Variants in RBPJ observed in about 807,000 individuals in gnomAD.
The protein encoded by RBPJ is recombining binding protein suppressor of hairless.
In RBPJ, 9 loss-of-function variants were observed where a neutral mutation model predicts 67.8. That is an observed-to-expected ratio of 0.13 (90% CI 0.08 to 0.23). The LOEUF (loss-of-function observed/expected upper bound fraction) is 0.23, where lower values mean the gene tolerates loss of function less well. RBPJ is among the 10% of genes least tolerant of loss of function. The pLI is 1.00. For missense variants in RBPJ, 305 were observed against 595.6 expected (o/e 0.51, Z 5.08); for synonymous variants, 198 against 203.3 (o/e 0.97, Z 0.22).
intron 1 of RBPJ, among the ~76,000 whole-genome samples, chr4:26,203,225 A>G (rs1326929271): frequency 6.6e-6 from 1 of 152,204 alleles, no homozygotes; most frequent in African/African-American, 2.4e-5. Context: ...AAATTACCTA[A>G]TAGTTTTTCA....
At chr4:26,260,801 C>A (rs1215724920) in intron 1 of RBPJ, among the ~76,000 whole-genome samples, 1 of 152,168 alleles carries the variant, frequency 6.6e-6, no homozygotes, top group Non-Finnish European at 1.5e-5. Context: ...ACTCAAGTCT[C>A]CTCTCCTCTT....
At chr4:26,283,796 G>A (rs1281717546) in intron 1 of RBPJ, among the ~76,000 whole-genome samples, 1 of 151,926 alleles carries the variant, frequency 6.6e-6, no homozygotes, top group African/African-American at 2.4e-5. Flanking sequence ...ACAGGCATGT[G>A]TCACCATGCC....
upstream of RBPJ, among the ~76,000 whole-genome samples, chr4:26,318,133 A>G (rs1014575760): frequency 1.6e-4 from 24 of 150,384 alleles, no homozygotes; most frequent in Admixed American, 5.9e-4. Flanking sequence ...ACACACGCAC[A>G]CACACACACA....
At chr4:26,343,290 C>G (rs1725741047) in intron 1 of RBPJ, 1 of 152,238 alleles carries the variant, frequency 6.6e-6, no homozygotes, top group East Asian at 1.9e-4. Flanking sequence ...TAATGAATCT[C>G]TAAACATATT....
chr4:26,124,699 C>G, the RBPJ span, among the ~76,000 whole-genome samples: 1 of 151,894 alleles, frequency 6.6e-6, no homozygotes, highest in African/African-American at 2.4e-5. Context: ...TTTACAGTCC[C>G]ACAAGTGGTG....
At chr4:26,318,518 A>T (rs578194197), upstream of RBPJ, among the ~76,000 whole-genome samples, 28 of 152,390 alleles carry the variant, frequency 1.8e-4, no homozygotes, top group Non-Finnish European at 2.8e-4. Context: ...AGGAAAAAAC[A>T]GAAACTGATT....
At chr4:26,287,722 G>A (rs890801245) in intron 1 of RBPJ, among the ~76,000 whole-genome samples, 6 of 124,624 alleles carry the variant, frequency 4.8e-5, no homozygotes, top group Admixed American at 9.3e-5. Flanking sequence ...AAAGAAAGAA[G>A]AAAACGAGAA....
the RBPJ span, among the ~76,000 whole-genome samples, chr4:26,135,807 T>C: frequency 1.3e-5 from 2 of 152,150 alleles, no homozygotes; most frequent in African/African-American, 4.8e-5. Flanking sequence ...ACCCAAGCAA[T>C]GGGAGCTGAA....
At chr4:26,334,047 C>CTT (rs1290572987) in intron 1 of RBPJ, among the ~76,000 whole-genome samples, 27 of 142,802 alleles carry the variant, frequency 1.9e-4, no homozygotes, top group African/African-American at 6.1e-4. Context: ...TCTGCCTTTT[C>CTT]TTTTTTTTTT....
At chr4:26,207,182 A>C (rs1408350410) in intron 1 of RBPJ, among the ~76,000 whole-genome samples, 1 of 152,194 alleles carries the variant, frequency 6.6e-6, no homozygotes, top group East Asian at 1.9e-4. Context: ...AATGGTGAGC[A>C]GATGGTGCTT....
intron 1 of RBPJ, among the ~76,000 whole-genome samples, chr4:26,344,216 T>C (rs1725873542): frequency 6.6e-6 from 1 of 151,892 alleles, no homozygotes; most frequent in African/African-American, 2.4e-5. Context: ...TTGAGACATA[T>C]AGCTAACTAT....
rs75156358 is a variant in RBPJ at position 26,399,033 on chromosome 4, C to T, written c.60-7142C>T. On this transcript the variant is annotated intron_variant, in intron 2 of 10. Coordinates refer to ENST00000355476, the MANE Select transcript of RBPJ (RefSeq NM_015874.6). Reference sequence around the variant, plus strand: ...TCTTGGCTTTTTTTGTTTTAACAAACTTAGGAATTAAAAACTTCCCTTTAT... The same window carrying T: ...TCTTGGCTTTTTTTGTTTTAACAAATTTAGGAATTAAAAACTTCCCTTTAT... 7.9e-3 allele frequency among the ~76,000 whole-genome samples: 1,204 copies of T among 152,224 alleles called. 23 individuals are homozygous for T. The highest frequency in any genetic ancestry group is 0.028 in the African/African-American group (1,161 of 41,538).
intron 2 of RBPJ, among the ~76,000 whole-genome samples, chr4:26,401,914 G>A (rs1203723383): frequency 1.4e-5 from 2 of 141,490 alleles, no homozygotes; most frequent in African/African-American, 2.7e-5. Context: ...TTGAGAGGGA[G>A]TTTCACTCTT....
At chr4:26,288,104 C>T (rs1466327836) in intron 1 of RBPJ, among the ~76,000 whole-genome samples, 1 of 152,154 alleles carries the variant, frequency 6.6e-6, no homozygotes, top group Non-Finnish European at 1.5e-5. Flanking sequence ...GGGTAGATAA[C>T]TACAGACATT....
At chr4:26,367,270 G>A (rs1728732539) in intron 1 of RBPJ, among the ~76,000 whole-genome samples, 1 of 152,146 alleles carries the variant, frequency 6.6e-6, no homozygotes, top group African/African-American at 2.4e-5. Flanking sequence ...ACCACCTGGG[G>A]TCAGGAGTTC....
intron 1 of RBPJ, among the ~76,000 whole-genome samples, chr4:26,334,965 G>A (rs187565733): frequency 8.0e-4 from 122 of 152,080 alleles, no homozygotes; most frequent in African/African-American, 2.6e-3. Context: ...GTTTAGATTC[G>A]CATTTTAAAA....
rs71186404 is a variant in RBPJ at position 26,343,739 on chromosome 4, C to CTTTTTTTT, written c.20+22712_20+22719dup. Among the ~76,000 whole-genome samples the CTTTTTTTT allele has an allele frequency of 4.5e-3, 252 of 55,856 alleles. 5 individuals carry two copies. The highest frequency in any genetic ancestry group is 5.0e-3 in the African/African-American group (60 of 11,996). The allele number at this position is 55,856 out of a possible 152,430, so 36.6% of individuals were successfully genotyped here. On this transcript the variant is annotated intron_variant, in intron 1 of 10. Transcript: ENST00000355476. The stretch of plus-strand genomic sequence containing the variant: ...ATTTTTTTGTACTTCTTTCTTTCTT[C>CTTTTTTTT]TTTTTTTTTTTTTTTTTTTTTTTTT...
the RBPJ span, among the ~76,000 whole-genome samples, chr4:26,115,997 G>A: frequency 1.6e-3 from 239 of 151,484 alleles, no homozygotes; most frequent in Non-Finnish European, 2.9e-3. Flanking sequence ...AAATAAACAG[G>A]CACCATGAAT....
chr4:26,131,483 T>C, the RBPJ span, among the ~76,000 whole-genome samples: 1 of 152,178 alleles, frequency 6.6e-6, no homozygotes, highest in Non-Finnish European at 1.5e-5. Flanking sequence ...CAGTATTGCT[T>C]CTGGGGAAGG....
Sources: allele counts gnomAD v4.1 joint callset (sites outside exome capture counted in the v4.1 genomes callset), GRCh38; gene constraint gnomAD v4.1.1; transcripts MANE v1.5; gene names NCBI Gene and HGNC (gene_info 2026-07-23, HGNC 2026-07-21).